Variants in ARHGAP28 observed in about 807,000 individuals in gnomAD.
ARHGAP28 encodes the protein Rho GTPase activating protein 28.
ARHGAP28 carries 56 observed loss-of-function variants against 90.7 expected under a neutral mutation model. The observed-to-expected ratio is 0.62, with a 90% CI of 0.50 to 0.77. The LOEUF (loss-of-function observed/expected upper bound fraction) is 0.77, where lower values mean the gene tolerates loss of function less well. Among genes scored for constraint, ARHGAP28 ranks in the 30% least tolerant of loss-of-function variants. The probability of loss-of-function intolerance (pLI) is 0.00; values close to 1 mark genes in which losing one functional copy is unlikely to be tolerated. For missense variants in ARHGAP28, 869 were observed against 900.9 expected (o/e 0.96, Z 0.45); for synonymous variants, 308 against 323.3 (o/e 0.95, Z 0.51).
At chr18:6,761,468 C>T (rs909030146) in intron 1 of ARHGAP28, among the ~76,000 whole-genome samples, 2 of 152,132 alleles carry the variant, frequency 1.3e-5, no homozygotes, top group Non-Finnish European at 2.9e-5. Flanking sequence ...GTCTAGCCCA[C>T]GGTGTTAAGT....
At chr18:6,755,751 A>G (rs1194235497) in intron 1 of ARHGAP28, among the ~76,000 whole-genome samples, 2 of 152,190 alleles carry the variant, frequency 1.3e-5, no homozygotes. Context: ...GCCTGAGTCC[A>G]AATACCATAA....
Position 6,912,316 on chromosome 18 carries a change from G to T in ARHGAP28, c.*162G>T, listed in dbSNP as rs532789760. 9.5e-6 allele frequency: 4 copies of T among 421,824 alleles called. No individual in the cohort carries two copies. The highest frequency in any genetic ancestry group is 7.1e-5 in the South Asian group (1 of 14,174). The allele number at this position is 421,824 out of a possible 1,614,324, so 26.1% of individuals were successfully genotyped here. Reference sequence around the variant, plus strand: ...TGTAAGCATGAACTATGGAAGAGGCGCCGGTTCACCAATTCAACTGAAGCT... The same window carrying T: ...TGTAAGCATGAACTATGGAAGAGGCTCCGGTTCACCAATTCAACTGAAGCT... On this transcript the variant is annotated 3_prime_UTR_variant, in exon 18 of 18. Transcript: ENST00000383472.
At chr18:6,811,086 A>G (rs2056552636) in intron 1 of ARHGAP28, among the ~76,000 whole-genome samples, 1 of 151,644 alleles carries the variant, frequency 6.6e-6, no homozygotes, top group Non-Finnish European at 1.5e-5. Context: ...ACCAGTTTCA[A>G]GAAGGAGGGC....
intron 17 of ARHGAP28, among the ~76,000 whole-genome samples, chr18:6,910,893 G>A (rs976071641): frequency 6.9e-5 from 5 of 72,806 alleles, no homozygotes; most frequent in Admixed American, 5.6e-4. Flanking sequence ...CGCCCAGGCT[G>A]GAGTGCAGTG....
intron 16 of ARHGAP28, among the ~76,000 whole-genome samples, chr18:6,903,054 A>G (rs888070488): frequency 7.9e-5 from 12 of 152,238 alleles, no homozygotes; most frequent in African/African-American, 2.7e-4. Context: ...GAAATAAGCC[A>G]GTCACAAAAG....
chr18:6,783,587 C>A (rs1290252096), intron 1 of ARHGAP28, among the ~76,000 whole-genome samples: 1 of 152,036 alleles, frequency 6.6e-6, no homozygotes, highest in East Asian at 1.9e-4. Flanking sequence ...AGGCGTGAGC[C>A]ACCATGACCG....
intron 1 of ARHGAP28, among the ~76,000 whole-genome samples, chr18:6,747,774 G>A (rs2056035728): frequency 6.6e-6 from 1 of 152,144 alleles, no homozygotes; most frequent in Non-Finnish European, 1.5e-5. Flanking sequence ...TGGAATCATA[G>A]TGGTTCAGCC....
intron 1 of ARHGAP28, among the ~76,000 whole-genome samples, chr18:6,759,810 C>CT (rs2056143858): frequency 6.6e-6 from 1 of 151,932 alleles, no homozygotes; most frequent in South Asian, 2.1e-4. Context: ...AAATTTCACC[C>CT]CAAGTCTCCG....
At chr18:6,909,071 T>C (rs1436937436) in intron 17 of ARHGAP28, 47 bp downstream of exon 17, 1 of 1,044,322 alleles carries the variant, frequency 9.6e-7, no homozygotes, top group South Asian at 1.4e-5. Flanking sequence ...CTGATTACTC[T>C]AAAAGAAATA....
chr18:6,876,325 T>A, intron 10 of ARHGAP28, 117 bp downstream of exon 10: 4 of 693,124 alleles, frequency 5.8e-6, no homozygotes, highest in Non-Finnish European at 1.0e-5. Context: ...ACTTGGTCCT[T>A]CCTAGTATTC....
At chr18:6,783,565 T>TA (rs370098876) in intron 1 of ARHGAP28, among the ~76,000 whole-genome samples, 1 of 140,518 alleles carries the variant, frequency 7.1e-6, no homozygotes, top group African/African-American at 3.3e-5. Context: ...CCTCCCAAAG[T>TA]GCTGGGATTA....
At chr18:6,799,523 C>T (rs1043782210) in intron 1 of ARHGAP28, among the ~76,000 whole-genome samples, 2 of 152,170 alleles carry the variant, frequency 1.3e-5, no homozygotes, top group Non-Finnish European at 2.9e-5. Context: ...GGTTCCGGTA[C>T]TAAAACAGAT....
chr18:6,831,539 G>A (rs1244790992), intron 2 of ARHGAP28, among the ~76,000 whole-genome samples: 2 of 133,298 alleles, frequency 1.5e-5, no homozygotes, highest in Admixed American at 8.6e-5. Context: ...TGCACATTGT[G>A]CAGGTTAGTT....
At chr18:6,883,549 T>G (rs2057197040) in intron 11 of ARHGAP28, among the ~76,000 whole-genome samples, 1 of 152,072 alleles carries the variant, frequency 6.6e-6, no homozygotes, top group African/African-American at 2.4e-5. Context: ...AGCCACTAAT[T>G]TAAATTTTAA....
chr18:6,813,310 A>C (rs2056569220), intron 1 of ARHGAP28, among the ~76,000 whole-genome samples: 1 of 152,060 alleles, frequency 6.6e-6, no homozygotes, highest in Non-Finnish European at 1.5e-5. Context: ...GTGCTGATAC[A>C]CTCCTTTTAG....
chr18:6,893,873 T>TG (rs528922058), intron 14 of ARHGAP28, among the ~76,000 whole-genome samples: 97 of 149,668 alleles, frequency 6.5e-4, no homozygotes, highest in Non-Finnish European at 1.1e-3. Context: ...TTTGGTTTTT[T>TG]TTTTTTTTTT....
intron 1 of ARHGAP28, among the ~76,000 whole-genome samples, chr18:6,749,725 T>C (rs915496412): frequency 6.6e-6 from 1 of 152,164 alleles, no homozygotes; most frequent in African/African-American, 2.4e-5. Flanking sequence ...AGGATTGTAC[T>C]CTTTCTCAGG....
chr18:6,759,796 C>A (rs978649993), intron 1 of ARHGAP28, among the ~76,000 whole-genome samples: 2 of 91,934 alleles, frequency 2.2e-5, no homozygotes, highest in Non-Finnish European at 5.6e-5. Context: ...AATAACGTGA[C>A]TTTAAATTTC....
intron 3 of ARHGAP28, chr18:6,850,818 G>A: frequency 6.6e-7 from 1 of 1,523,424 alleles, no homozygotes; most frequent in Non-Finnish European, 8.7e-7. Flanking sequence ...TTGCTTCTGA[G>A]ACGAATTCTG....
Sources: allele counts gnomAD v4.1 joint callset (sites outside exome capture counted in the v4.1 genomes callset), GRCh38; gene constraint gnomAD v4.1.1; transcripts MANE v1.5; gene names NCBI Gene and HGNC (gene_info 2026-07-23, HGNC 2026-07-21).